RPA3: variants seen among roughly 807,000 people sequenced by gnomAD.
RPA3 encodes replication protein A 14 kDa subunit.
In RPA3, 24 loss-of-function variants were observed where a neutral mutation model predicts 13.7. The ratio of observed to expected loss-of-function variants is 1.75; its 90% confidence interval spans 1.27 to 2.46. RPA3 has a LOEUF of 2.46. Ranked by LOEUF, RPA3 falls within the 30% of genes most tolerant of loss-of-function variation. RPA3 has a pLI of 0.00. For missense variants in RPA3, 183 were observed against 151.0 expected (o/e 1.21, Z -1.11); for synonymous variants, 59 against 51.2 (o/e 1.15, Z -0.65).
intron 4 of RPA3, among the ~76,000 whole-genome samples, chr7:7,656,777 G>A (rs1002298794): frequency 5.9e-5 from 9 of 152,052 alleles, no homozygotes; most frequent in Non-Finnish European, 7.4e-5. Context: ...ATAAACATAC[G>A]TGCGCATGTG....
At chr7:7,714,847 A>AT (rs1419535149) in intron 2 of RPA3, among the ~76,000 whole-genome samples, 4 of 145,158 alleles carry the variant, frequency 2.8e-5, no homozygotes, top group African/African-American at 7.7e-5. Flanking sequence ...TTGTTCAAAA[A>AT]TTTTTCTTTT....
At chr7:7,678,470 T>G (rs2115116667) in intron 4 of RPA3, among the ~76,000 whole-genome samples, 1 of 142,678 alleles carries the variant, frequency 7.0e-6, no homozygotes, top group African/African-American at 2.5e-5. Flanking sequence ...AATATATATT[T>G]ATATATTTAA....
Position 7,713,470 on chromosome 7 carries a change from C to A in RPA3, c.-1028+1705G>T, listed in dbSNP as rs566009133. Among the ~76,000 whole-genome samples, 10 of 151,398 alleles carry A rather than the reference C, an allele frequency of 6.6e-5. 1 individual carries two copies. Among genetic ancestry groups the A allele is most frequent in the African/African-American group, 2.4e-4 (10 of 41,264 alleles). The stretch of plus-strand genomic sequence containing the variant: ...GGGATTTTCATTATGTTCTGCTCCT[C>A]CCCCCCATGGCAATATTGTTTATTT... On this transcript the variant is annotated intron_variant, in intron 2 of 7. Transcript: ENST00000223129.
intron 4 of RPA3, among the ~76,000 whole-genome samples, chr7:7,649,299 G>A (rs141817717): frequency 2.0e-5 from 3 of 152,240 alleles, no homozygotes; most frequent in African/African-American, 7.2e-5. Flanking sequence ...AGAAAGGCAA[G>A]AGACCATGAG....
chr7:7,677,890 G>A (rs1779788504), intron 4 of RPA3, among the ~76,000 whole-genome samples: 1 of 151,224 alleles, frequency 6.6e-6, no homozygotes. Flanking sequence ...AGCCGGGATG[G>A]TCTCGATCTC....
intron 4 of RPA3, among the ~76,000 whole-genome samples, chr7:7,645,334 C>G (rs1361649044): frequency 6.6e-6 from 1 of 152,162 alleles, no homozygotes; most frequent in Non-Finnish European, 1.5e-5. Context: ...CGCTTATTCT[C>G]ACATGTGAAA....
intron 4 of RPA3, among the ~76,000 whole-genome samples, chr7:7,655,816 A>G (rs1785327457): frequency 7.5e-6 from 1 of 132,934 alleles, no homozygotes; most frequent in East Asian, 3.9e-4. Context: ...TATATTTAGG[A>G]CAGTCTCTCT....
At chr7:7,660,658 G>T (rs767130078) in intron 4 of RPA3, among the ~76,000 whole-genome samples, 14 of 152,222 alleles carry the variant, frequency 9.2e-5, no homozygotes, top group Non-Finnish European at 1.8e-4. Flanking sequence ...TAGGGTTTCT[G>T]CAGAGAGATC....
intron 4 of RPA3, among the ~76,000 whole-genome samples, chr7:7,644,855 CTG>C (rs1241171725): frequency 6.6e-6 from 1 of 152,142 alleles, no homozygotes; most frequent in African/African-American, 2.4e-5. Context: ...CCAGGAAAAA[CTG>C]TGTTGGAATT....
chr7:7,705,042 A>T (rs1317049493), intron 2 of RPA3, among the ~76,000 whole-genome samples: 1 of 152,206 alleles, frequency 6.6e-6, no homozygotes, highest in African/African-American at 2.4e-5. Flanking sequence ...CATCTGTAAC[A>T]CAGGACTACT....
chr7:7,664,840 G>A (rs1487797321), intron 4 of RPA3, among the ~76,000 whole-genome samples: 1 of 152,202 alleles, frequency 6.6e-6, no homozygotes, highest in African/African-American at 2.4e-5. Flanking sequence ...TCTCTGAGGA[G>A]AAATTAGTAA....
chr7:7,698,216 GA>G (rs1780363597), intron 2 of RPA3, among the ~76,000 whole-genome samples: 1 of 152,158 alleles, frequency 6.6e-6, no homozygotes. Flanking sequence ...AGTGTTTTTG[GA>G]TGAAATTTAG....
At chr7:7,654,441 G>T (rs950988102) in intron 4 of RPA3, among the ~76,000 whole-genome samples, 1 of 152,114 alleles carries the variant, frequency 6.6e-6, no homozygotes, top group African/African-American at 2.4e-5. Flanking sequence ...GTTATCCTTC[G>T]GTATCCCTAG....
At chr7:7,656,722 G>A (rs867229613) in intron 4 of RPA3, among the ~76,000 whole-genome samples, 2 of 152,072 alleles carry the variant, frequency 1.3e-5, no homozygotes, top group South Asian at 2.1e-4. Flanking sequence ...ATCATTGATC[G>A]GCATTTGGTT....
At position 7,642,754 on chromosome 7, in the gene RPA3, T is replaced by A. The variant is rs1423740754; in HGVS notation, c.-757-1579A>T. 2.0e-5 allele frequency among the ~76,000 whole-genome samples: 3 copies of A among 152,204 alleles called. No homozygotes were observed. The East Asian group carries it at 5.8e-4, about 29-fold the overall frequency. On this transcript the variant is annotated intron_variant, in intron 4 of 7. Coordinates refer to ENST00000223129, the MANE Select transcript of RPA3 (RefSeq NM_002947.5). ...AGCTGAAGAAATGGAACTTTACCAG[T>A]TACCAGTAAATTTTACCAGTTTGCA...
At chr7:7,651,415 C>G (rs1785221025) in intron 4 of RPA3, among the ~76,000 whole-genome samples, 1 of 152,154 alleles carries the variant, frequency 6.6e-6, no homozygotes, top group Non-Finnish European at 1.5e-5. Flanking sequence ...AACAGGAATG[C>G]CTGTTCCCAT....
intron 4 of RPA3, among the ~76,000 whole-genome samples, chr7:7,651,171 T>C (rs1785215402): frequency 1.3e-5 from 2 of 152,192 alleles, no homozygotes; most frequent in South Asian, 2.1e-4. Flanking sequence ...TTTAAAAATA[T>C]ATGGCTAAAT....
intron 4 of RPA3, among the ~76,000 whole-genome samples, chr7:7,651,990 C>G (rs1315106979): frequency 6.6e-6 from 1 of 152,118 alleles, no homozygotes; most frequent in African/African-American, 2.4e-5. Context: ...GCTGTGACTT[C>G]TGAATGGAAG....
At chr7:7,638,114 G>T in intron 6 of RPA3, 142 bp from the exon 7 acceptor site, 1 of 532,888 alleles carries the variant, frequency 1.9e-6, no homozygotes. Flanking sequence ...AAGTTAAAAT[G>T]TAACTTGTTA....
Sources: allele counts gnomAD v4.1 joint callset (sites outside exome capture counted in the v4.1 genomes callset), GRCh38; gene constraint gnomAD v4.1.1; transcripts MANE v1.5; gene names NCBI Gene and HGNC (gene_info 2026-07-23, HGNC 2026-07-21).